Variants in TMPRSS11A observed in about 807,000 individuals in gnomAD.
The protein encoded by TMPRSS11A is transmembrane serine protease 11A, also known as transmembrane protease serine 11A.
In TMPRSS11A, 53 loss-of-function variants were observed where a neutral mutation model predicts 58.9. The observed-to-expected ratio is 0.90, with a 90% CI of 0.72 to 1.13. The LOEUF (loss-of-function observed/expected upper bound fraction) is 1.13, where lower values mean the gene tolerates loss of function less well. Ranked by LOEUF, TMPRSS11A falls within the 50% of genes most tolerant of loss-of-function variation. The pLI, the probability that TMPRSS11A is intolerant of heterozygous loss-of-function variation, is 0.00. For missense variants in TMPRSS11A, 493 were observed against 499.3 expected, an observed-to-expected ratio of 0.99 and a Z score of 0.12; for synonymous variants, 167 against 169.8, an observed-to-expected ratio of 0.98 and a Z score of 0.13.
rs1280995591 is a variant in TMPRSS11A at position 67,910,514 on chromosome 4, G to A, written c.*828C>T. On this transcript the variant is annotated 3_prime_UTR_variant, in exon 10 of 10. Transcript: ENST00000508048. The stretch of plus-strand genomic sequence containing the variant: ...AATTTCCCCCTTGTGGTCAAAATAT[G>A]TAAGTGCATCTGTGAAATGTCAAAT... 2 of 152,004 alleles carry A rather than the reference G, an allele frequency of 1.3e-5. No individual in the cohort carries two copies. The highest frequency in any genetic ancestry group is 2.4e-5 in the African/African-American group (1 of 41,416). The allele number at this position is 152,004 out of a possible 1,614,324, so 9.4% of individuals were successfully genotyped here. A position where few individuals can be genotyped will look rare whatever the true frequency, so the allele number is the denominator to read the frequency against.
intron 8 of TMPRSS11A, among the ~76,000 whole-genome samples, chr4:67,915,193 A>G (rs1286110275): frequency 6.6e-6 from 1 of 152,000 alleles, no homozygotes; most frequent in East Asian, 1.9e-4. Flanking sequence ...TGTGAAATAT[A>G]CATATATTAT....
chr4:67,911,282 T>C lies in TMPRSS11A; in HGVS notation c.*60A>G. The C allele has an allele frequency of 6.6e-7, 1 of 1,504,132 alleles. No individual in the cohort carries two copies. The highest frequency in any genetic ancestry group is 1.2e-5 in the South Asian group (1 of 81,686). The allele number at this position is 1,504,132 out of a possible 1,614,324, so 93.2% of individuals were successfully genotyped here. ...TTGTTGTACTACACCCACTAAATAG[T>C]TGAATTCTCATGCATATATGACCTG... On this transcript the variant is annotated 3_prime_UTR_variant, in exon 10 of 10. Coordinates refer to ENST00000508048, the MANE Select transcript of TMPRSS11A (RefSeq NM_001114387.2).
rs374918988 is a variant in TMPRSS11A at position 67,921,404 on chromosome 4, G to C, written c.692+1351C>G. Among the ~76,000 whole-genome samples, 215 of 152,220 alleles carry C rather than the reference G, an allele frequency of 1.4e-3. 1 individual carries two copies. Among genetic ancestry groups the C allele is most frequent in the Middle Eastern group, 0.01 (3 of 294 alleles). On this transcript the variant is annotated intron_variant, in intron 7 of 9. Transcript: ENST00000508048. ...GCTGGAGTGCAGTGGTGCAATCATA[G>C]CTTGCAGGAGCCTCAAACTCCTGGG...
chr4:67,913,696 C>A (rs147099717), intron 9 of TMPRSS11A, among the ~76,000 whole-genome samples: 1 of 152,150 alleles, frequency 6.6e-6, no homozygotes, highest in Non-Finnish European at 1.5e-5. Flanking sequence ...TATTAGCAAC[C>A]GAGGCTGGCT....
rs1288523461 is a variant in TMPRSS11A at position 67,911,293 on chromosome 4, T to C, written c.*49A>G. The C allele has an allele frequency of 4.5e-6, 7 of 1,560,722 alleles. No individual in the cohort carries two copies. The highest frequency in any genetic ancestry group is 5.3e-6 in the Non-Finnish European group (6 of 1,139,918). On this transcript the variant is annotated 3_prime_UTR_variant, in exon 10 of 10. Coordinates refer to ENST00000508048, the MANE Select transcript of TMPRSS11A (RefSeq NM_001114387.2). Reference sequence around the variant, plus strand: ...CACCCACTAAATAGTTGAATTCTCATGCATATATGACCTGCATACAGCTTT... The same window carrying C: ...CACCCACTAAATAGTTGAATTCTCACGCATATATGACCTGCATACAGCTTT...
chr4:67,931,137 C>T (rs1441472661), intron 4 of TMPRSS11A, among the ~76,000 whole-genome samples: 1 of 151,984 alleles, frequency 6.6e-6, no homozygotes, highest in African/African-American at 2.4e-5. Context: ...AACATGAAAT[C>T]TAGAAAGTTC....
rs2109729294 is a variant in TMPRSS11A, at chr4:67,911,421, C to G, written c.1178G>C (p.Cys393Ser). The change falls in exon 10 of 10, where the codon TGT (cysteine) becomes TCT (serine). Residue 393 changes from cysteine (C) to serine (S), a missense_variant. Transcript: ENST00000508048. ...LIGIVSWGDNCGQKDKPGVYT... is the reference protein window; with the variant it reads ...LIGIVSWGDNSGQKDKPGVYT... Reference sequence around the variant, plus strand: ...GACTCCAGGCTTGTCCTTTTGACCACAGTTATCTCCCCAGCTTACAATTCC... The same window carrying G: ...GACTCCAGGCTTGTCCTTTTGACCAGAGTTATCTCCCCAGCTTACAATTCC... 1 of 1,613,202 alleles carries G rather than the reference C, an allele frequency of 6.2e-7. No homozygotes were observed. Among genetic ancestry groups the G allele is most frequent in the African/African-American group, 1.3e-5 (1 of 74,866 alleles).
intron 1 of TMPRSS11A, among the ~76,000 whole-genome samples, chr4:67,960,317 G>A (rs1044888958): frequency 1.3e-5 from 2 of 152,142 alleles, no homozygotes; most frequent in Admixed American, 6.5e-5. Context: ...TTAAAAAACA[G>A]TTATTCTTCT....
chr4:67,939,297 A>G (rs1255755127), intron 3 of TMPRSS11A, among the ~76,000 whole-genome samples: 2 of 152,146 alleles, frequency 1.3e-5, no homozygotes, highest in South Asian at 2.1e-4. Context: ...GTTGTTTATC[A>G]GTTTTGGAAA....
intron 1 of TMPRSS11A, among the ~76,000 whole-genome samples, chr4:67,956,680 C>A (rs1721298336): frequency 6.6e-6 from 1 of 152,180 alleles, no homozygotes; most frequent in Admixed American, 6.5e-5. Flanking sequence ...GCTGTTGATG[C>A]ACTACAAATG....
chr4:67,911,195 G>A lies in TMPRSS11A; in HGVS notation c.*147C>T, dbSNP rs1300117144. On this transcript the variant is annotated 3_prime_UTR_variant, in exon 10 of 10. Transcript: ENST00000508048. ...GGCTAAGGATTATTGGTTGATTAAAGTGATTCTAAATAACTTACGTTGTGT... is the reference window on the plus strand; with the variant it reads ...GGCTAAGGATTATTGGTTGATTAAAATGATTCTAAATAACTTACGTTGTGT... 1.5e-6 allele frequency: 1 copy of A among 670,882 alleles called. No individual in the cohort carries two copies. Among genetic ancestry groups the A allele is most frequent in the Non-Finnish European group, 2.4e-6 (1 of 419,916 alleles). The allele number at this position is 670,882 out of a possible 1,614,324, so 41.6% of individuals were successfully genotyped here.
chr4:67,951,382 C>A (rs1721157033), intron 1 of TMPRSS11A, among the ~76,000 whole-genome samples: 1 of 152,090 alleles, frequency 6.6e-6, no homozygotes, highest in African/African-American at 2.4e-5. Context: ...TTCTCAGTAA[C>A]AAAGTTCTAA....
At chr4:67,946,362 T>C in intron 2 of TMPRSS11A, 88 bp downstream of exon 2, 1 of 1,379,710 alleles carries the variant, frequency 7.2e-7, no homozygotes. Context: ...ATGTGCAATT[T>C]TTTAGATGAA....
chr4:67,936,271 A>C (rs960325078), intron 3 of TMPRSS11A, among the ~76,000 whole-genome samples: 1 of 151,834 alleles, frequency 6.6e-6, no homozygotes, highest in Non-Finnish European at 1.5e-5. Flanking sequence ...TAAGAATCAT[A>C]ATCTTGGTAG....
intron 3 of TMPRSS11A, among the ~76,000 whole-genome samples, chr4:67,937,206 C>T (rs115471663): frequency 8.2e-4 from 124 of 152,072 alleles, no homozygotes; most frequent in African/African-American, 2.9e-3. Context: ...CAAAAACTTC[C>T]CTCAAAAAGC....
At chr4:67,911,549 T>C in intron 9 of TMPRSS11A, 46 bp from the exon 10 acceptor site, 1 of 1,490,354 alleles carries the variant, frequency 6.7e-7, no homozygotes, top group Non-Finnish European at 9.2e-7. Context: ...TAGCTAAACA[T>C]AAAGCTCATT....
At position 67,909,743 on chromosome 4, in the gene TMPRSS11A, G is replaced by T. The variant is rs1035526117; in HGVS notation, c.*1599C>A. The T allele has an allele frequency of 6.6e-6, 1 of 151,938 alleles. No homozygotes were observed. The highest frequency in any genetic ancestry group is 2.4e-5 in the African/African-American group (1 of 41,398). 9.4% of individuals were successfully genotyped at this position (151,938 alleles called of 1,614,324 possible). A position where few individuals can be genotyped will look rare whatever the true frequency, so the allele number is the denominator to read the frequency against. On this transcript the variant is annotated 3_prime_UTR_variant, in exon 10 of 10. Coordinates refer to ENST00000508048, the MANE Select transcript of TMPRSS11A (RefSeq NM_001114387.2). ...CTCTCACTTAAAATTTTACAGATCT[G>T]ATGATTCAATAAAAATAGTTAAGAA...
chr4:67,911,117 C>A lies in TMPRSS11A; in HGVS notation c.*225G>T. The A allele has an allele frequency of 2.5e-6, 1 of 398,614 alleles. No homozygotes were observed. Among genetic ancestry groups the A allele is most frequent in the Non-Finnish European group, 4.5e-6 (1 of 221,552 alleles). The allele number at this position is 398,614 out of a possible 1,614,324, so 24.7% of individuals were successfully genotyped here. On this transcript the variant is annotated 3_prime_UTR_variant, in exon 10 of 10. Coordinates refer to ENST00000508048, the MANE Select transcript of TMPRSS11A (RefSeq NM_001114387.2). ...GATTTAAAGAGCTAAGTATCTCTAC[C>A]GTATTTTTCAAGCCAGATCCATTAC... is the stretch of plus-strand genomic sequence containing the variant.
intron 1 of TMPRSS11A, among the ~76,000 whole-genome samples, chr4:67,952,581 A>T (rs1167311594): frequency 1.3e-5 from 2 of 152,134 alleles, no homozygotes; most frequent in African/African-American, 4.8e-5. Context: ...CCCCATCCCC[A>T]CAGAGGTTCC....
Sources: gnomAD v4.1 joint callset for allele counts (sites outside exome capture counted in the v4.1 genomes callset) on GRCh38, gnomAD v4.1.1 for gene constraint, MANE v1.5 for transcripts, NCBI Gene and HGNC (gene_info 2026-07-23, HGNC 2026-07-21) for gene names.